The following ELAC2 variants were observed in gnomAD, a reference collection of about 807,000 sequenced individuals.
ELAC2 encodes the protein elaC ribonuclease Z 2, also known as zinc phosphodiesterase ELAC protein 2.
ELAC2 carries 92 observed loss-of-function variants against 105.2 expected under a neutral mutation model. The observed-to-expected ratio is 0.87, with a 90% CI of 0.74 to 1.04. The LOEUF is 1.04. ELAC2 is among the 50% of genes least tolerant of loss of function. The probability of loss-of-function intolerance (pLI) is 0.00; values close to 1 mark genes in which losing one functional copy is unlikely to be tolerated. For missense variants in ELAC2, 1,099 were observed against 1,071.7 expected, an observed-to-expected ratio of 1.03 and a Z score of -0.36; for synonymous variants, 468 against 409.1, an observed-to-expected ratio of 1.14 and a Z score of -1.74.
At chr17:12,996,432 G>A (rs948989950) in intron 17 of ELAC2, 115 bp downstream of exon 17, 3 of 1,513,948 alleles carry the variant, frequency 2.0e-6, no homozygotes, top group East Asian at 2.3e-5. Flanking sequence ...CCAGAGATGA[G>A]TAACAAAAGC....
At chr17:13,003,989 T>C (rs2040972333) in intron 11 of ELAC2, 1 of 220,636 alleles carries the variant, frequency 4.5e-6, no homozygotes, top group Non-Finnish European at 9.3e-6. Flanking sequence ...CACCCTGGTG[T>C]CTGCCTTCCA....
rs747893743 is a variant in ELAC2, at chr17:13,005,750, C to T, written c.870+3G>A. 6.2e-7 allele frequency: 1 copy of T among 1,614,148 alleles called. No individual in the cohort carries two copies. Among genetic ancestry groups the T allele is most frequent in the Non-Finnish European group, 8.5e-7 (1 of 1,180,026 alleles). On this transcript the variant is annotated splice_donor_region_variant and intron_variant, in intron 10 of 23. Transcript: ENST00000338034. ...GCTGAATCAAGAAAACCAGGCATCT[C>T]ACCTCTCTTCCTTCATGAGTGATGC...
intron 12 of ELAC2, 197 bp from the exon 13 acceptor site, chr17:13,002,776 C>A: frequency 2.5e-6 from 2 of 810,792 alleles, no homozygotes; most frequent in Admixed American, 4.2e-5. Flanking sequence ...AGCTCAGCTG[C>A]CTTTCAGGTG....
intron 8 of ELAC2, among the ~76,000 whole-genome samples, chr17:13,007,401 TG>T (rs1454207530): frequency 2.6e-5 from 4 of 152,202 alleles, no homozygotes; most frequent in Non-Finnish European, 4.4e-5. Context: ...TTCTCAGGGT[TG>T]TAGAATTTTC....
Position 13,017,993 on chromosome 17 carries a change from C to A in ELAC2, c.-46G>T, listed in dbSNP as rs764323970. ...TGAGAAAGCCGCCGGTCACCTACGC[C>A]CGCGTTTCCCGTGCACCACCTAGCC... On this transcript the variant is annotated 5_prime_UTR_variant, in exon 1 of 24. Coordinates refer to ENST00000338034, the MANE Select transcript of ELAC2 (RefSeq NM_018127.7). 1 of 1,533,856 alleles carries A rather than the reference C, an allele frequency of 6.5e-7. No homozygotes were observed. Among genetic ancestry groups the A allele is most frequent in the South Asian group, 1.2e-5 (1 of 83,816 alleles).
intron 10 of ELAC2, among the ~76,000 whole-genome samples, chr17:13,005,461 G>A (rs765271968): frequency 6.6e-6 from 1 of 152,058 alleles, no homozygotes; most frequent in Non-Finnish European, 1.5e-5. Flanking sequence ...ATCCATATGG[G>A]GTCTGTTGTT....
intron 19 of ELAC2, 25 bp from the exon 20 acceptor site, chr17:12,995,087 A>G (rs1426913267): frequency 6.2e-7 from 1 of 1,612,030 alleles, no homozygotes; most frequent in African/African-American, 1.3e-5. Flanking sequence ...AACATTTAAA[A>G]TGATAATAAA....
At chr17:13,011,543 G>C in intron 7 of ELAC2, 120 bp downstream of exon 7, 1 of 1,532,892 alleles carries the variant, frequency 6.5e-7, no homozygotes, top group Non-Finnish European at 9.0e-7. Flanking sequence ...GTAAGCCCAG[G>C]AAGAAGGATC....
chr17:13,001,690 G>C (rs1015852821), intron 14 of ELAC2, among the ~76,000 whole-genome samples: 2 of 151,996 alleles, frequency 1.3e-5, no homozygotes, highest in African/African-American at 4.8e-5. Flanking sequence ...GAAGGGAACA[G>C]AGTTCCCATC....
chr17:12,996,115 T>C, intron 17 of ELAC2, 137 bp from the exon 18 acceptor site: 1 of 943,888 alleles, frequency 1.1e-6, no homozygotes, highest in South Asian at 1.4e-5. Context: ...GCAGTGGGGG[T>C]GGCACAGGCC....
intron 22 of ELAC2, 49 bp downstream of exon 22, chr17:12,994,376 T>C: frequency 6.2e-7 from 1 of 1,600,088 alleles, no homozygotes; most frequent in Non-Finnish European, 8.6e-7. Flanking sequence ...TGTCACGTAG[T>C]GGGGGAGGGA....
chr17:13,002,901 G>A (rs1031328912), intron 12 of ELAC2, among the ~76,000 whole-genome samples: 1 of 152,164 alleles, frequency 6.6e-6, no homozygotes, highest in Admixed American at 6.5e-5. Context: ...ATGGAGTGAG[G>A]GGCAGGTAAA....
At chr17:13,011,365 T>C (rs1263391252) in intron 7 of ELAC2, among the ~76,000 whole-genome samples, 1 of 152,128 alleles carries the variant, frequency 6.6e-6, no homozygotes, top group South Asian at 2.1e-4. Flanking sequence ...TAATGAAAAA[T>C]ACAAAATGAA....
At chr17:13,001,269 G>A (rs1309008178) in intron 14 of ELAC2, among the ~76,000 whole-genome samples, 3 of 152,040 alleles carry the variant, frequency 2.0e-5, no homozygotes, top group Non-Finnish European at 4.4e-5. Flanking sequence ...GAGGTGGGTG[G>A]ATCACCTGAG....
intron 11 of ELAC2, chr17:13,003,888 G>C: frequency 2.8e-6 from 1 of 353,194 alleles, no homozygotes; most frequent in Non-Finnish European, 5.4e-6. Context: ...TGCAAAGCCA[G>C]ACCCAGGCTC....
intron 6 of ELAC2, among the ~76,000 whole-genome samples, chr17:13,012,411 G>C (rs1218148697): frequency 1.3e-5 from 2 of 152,182 alleles, no homozygotes; most frequent in Non-Finnish European, 2.9e-5. Flanking sequence ...GGTGAGAGAA[G>C]GCATCTGAGC....
intron 22 of ELAC2, 80 bp downstream of exon 22, chr17:12,994,345 A>T (rs766056867): frequency 3.1e-5 from 46 of 1,498,012 alleles, no homozygotes; most frequent in Non-Finnish European, 4.2e-5. Flanking sequence ...ACATCAGTGG[A>T]GACAAACGAC....
intron 8 of ELAC2, chr17:13,006,522 T>C (rs2041118386): frequency 6.1e-6 from 1 of 165,208 alleles, no homozygotes. Flanking sequence ...CAGTGTTTTA[T>C]TTCCCAGCAT....
rs903776844 is a variant in ELAC2 at position 12,992,598 on chromosome 17, G to C, written c.*220C>G. 1 of 586,742 alleles carries C rather than the reference G, an allele frequency of 1.7e-6. No homozygotes were observed. Among genetic ancestry groups the C allele is most frequent in the Non-Finnish European group, 3.0e-6 (1 of 330,952 alleles). 36.3% of individuals were successfully genotyped at this position (586,742 alleles called of 1,614,324 possible). On this transcript the variant is annotated 3_prime_UTR_variant, in exon 24 of 24. Coordinates refer to ENST00000338034, the MANE Select transcript of ELAC2 (RefSeq NM_018127.7). ...TTCATCTGCTTGCTTCCGTGTGGCA[G>C]CCTCCTGGCCCGCGGCTGTGCCAGG...
Sources: allele counts gnomAD v4.1 joint callset (sites outside exome capture counted in the v4.1 genomes callset), GRCh38; gene constraint gnomAD v4.1.1; transcripts MANE v1.5; gene names NCBI Gene and HGNC (gene_info 2026-07-23, HGNC 2026-07-21).